The following TAAR1 variants were observed in gnomAD, a reference collection of about 807,000 sequenced individuals.
TAAR1 encodes the protein trace amine-associated receptor 1.
A neutral mutation model predicts 1.2 loss-of-function variants in TAAR1; 1 was observed. That is an observed-to-expected ratio of 0.81 (90% CI 0.29 to 3.86). The LOEUF is 3.86. TAAR1 is among the 30% of genes most tolerant of loss of function. TAAR1 has a pLI of 0.18. For missense variants in TAAR1, 445 were observed against 405.6 expected, an observed-to-expected ratio of 1.10 and a Z score of -0.83; for synonymous variants, 153 against 132.2, an observed-to-expected ratio of 1.16 and a Z score of -1.08.
chr6:132,655,671 T>C (rs1388855469), intron 1 of TAAR1, among the ~76,000 whole-genome samples: 2 of 152,092 alleles, frequency 1.3e-5, no homozygotes, highest in East Asian at 3.9e-4. Flanking sequence ...TCTAACAGTA[T>C]CACTCCGATT....
chr6:132,651,695 C>A (rs759741057), intron 1 of TAAR1, among the ~76,000 whole-genome samples: 1 of 152,158 alleles, frequency 6.6e-6, no homozygotes, highest in Non-Finnish European at 1.5e-5. Flanking sequence ...CAGCTGGTTC[C>A]CCTGCTTCTT....
intron 1 of TAAR1, among the ~76,000 whole-genome samples, chr6:132,653,699 G>T (rs1777772068): frequency 6.6e-6 from 1 of 152,074 alleles, no homozygotes; most frequent in South Asian, 2.1e-4. Flanking sequence ...AAGAAATATG[G>T]ACCTAAAATT....
chr6:132,656,852 G>C (rs560238984), intron 1 of TAAR1, among the ~76,000 whole-genome samples: 1 of 152,260 alleles, frequency 6.6e-6, no homozygotes, highest in East Asian at 1.9e-4. Context: ...GCAGTCAAAA[G>C]GGTGATCATA....
chr6:132,646,807 C>T (rs1253368514), intron 1 of TAAR1, among the ~76,000 whole-genome samples: 1 of 152,130 alleles, frequency 6.6e-6, no homozygotes, highest in Non-Finnish European at 1.5e-5. Context: ...AAGTTTAATT[C>T]ACAAATCATT....
At position 132,644,023 on chromosome 6, in the gene TAAR1, G is replaced by A. The variant is rs1777630586; in HGVS notation, c.*961C>T. On this transcript the variant is annotated 3_prime_UTR_variant, in exon 2 of 2. Coordinates refer to ENST00000275216, the MANE Select transcript of TAAR1 (RefSeq NM_138327.4). ...CCTATCATGCCAGATATGACCTTAA[G>A]ACATGGTAAAATCCTTCTAGACATT... Among the ~76,000 whole-genome samples the A allele has an allele frequency of 6.6e-6, 1 of 151,934 alleles. No homozygotes were observed. The highest frequency in any genetic ancestry group is 1.5e-5 in the Non-Finnish European group (1 of 67,916).
chr6:132,658,044 T>C (rs576465249), intron 1 of TAAR1, among the ~76,000 whole-genome samples: 2 of 152,276 alleles, frequency 1.3e-5, no homozygotes, highest in African/African-American at 4.8e-5. Flanking sequence ...AATTATACTT[T>C]TACTAAATTA....
rs201991583 is a variant in TAAR1 at position 132,658,010 on chromosome 6, TTATC to T, written c.-127+1116_-127+1119del. Among the ~76,000 whole-genome samples, 1,130 of 148,146 alleles carry T rather than the reference TTATC, an allele frequency of 7.6e-3. 15 individuals carry two copies. Among genetic ancestry groups the T allele is most frequent in the African/African-American group, 0.027 (1,055 of 38,480 alleles). ...TTGTATAATTCTTTGCATGATTTAT[TTATC>T]TATTTTACCTTTGTACTAAAATTAT... On this transcript the variant is annotated intron_variant, in intron 1 of 1. Transcript: ENST00000275216.
chr6:132,645,068 T>C lies in TAAR1; in HGVS notation c.936A>G (p.Arg312=), dbSNP rs8192621. 39,129 of 1,609,706 alleles carry C rather than the reference T, an allele frequency of 0.024. 911 individuals carry two copies. The highest frequency in any genetic ancestry group is 0.13 in the East Asian group (5,610 of 44,782). The change falls in exon 2 of 2, where the codon AGA becomes AGG. Residue 312 remains arginine, a synonymous_variant. Transcript: ENST00000275216. ...MVYAFFYPWF[R]KALKMMLFGK... Reference sequence around the variant, plus strand: ...CAAACAGCATCATCTTCAGTGCTTTTCTAAACCAAGGATAGAAAAATGCAT... The same window carrying C: ...CAAACAGCATCATCTTCAGTGCTTTCCTAAACCAAGGATAGAAAAATGCAT...
At chr6:132,648,635 A>G (rs1777714516) in intron 1 of TAAR1, among the ~76,000 whole-genome samples, 1 of 152,232 alleles carries the variant, frequency 6.6e-6, no homozygotes, top group Non-Finnish European at 1.5e-5. Context: ...CTTAAAGAAT[A>G]TTAAACATCA....
At chr6:132,647,632 G>GAAAGAA (rs1777695363) in intron 1 of TAAR1, among the ~76,000 whole-genome samples, 2 of 80,882 alleles carry the variant, frequency 2.5e-5, no homozygotes, top group Admixed American at 1.1e-4. Flanking sequence ...AGGAAAGAAA[G>GAAAGAA]AAAGAAAGAA....
chr6:132,652,984 GC>G (rs1380043672), intron 1 of TAAR1, among the ~76,000 whole-genome samples: 1 of 152,004 alleles, frequency 6.6e-6, no homozygotes, highest in Non-Finnish European at 1.5e-5. Context: ...TGGGTGGAGT[GC>G]GGGGGAGACA....
At chr6:132,656,165 C>T (rs1387335051) in intron 1 of TAAR1, among the ~76,000 whole-genome samples, 1 of 151,838 alleles carries the variant, frequency 6.6e-6, no homozygotes, top group Non-Finnish European at 1.5e-5. Flanking sequence ...TGAAAAACAA[C>T]CAAACAAAAA....
chr6:132,645,422 G>T lies in TAAR1; in HGVS notation c.582C>A (p.Thr194=), dbSNP rs568699098. The change falls in exon 2 of 2, where the codon ACC becomes ACA. Residue 194 remains threonine, a synonymous_variant. Coordinates refer to ENST00000275216, the MANE Select transcript of TAAR1 (RefSeq NM_138327.4). ...VFFSKISGVL[T]FMTSFYIPGS... is the part of the protein sequence containing the mutation. ...CAGGTATATAAAAAGAAGTCATAAAGGTCAGTACCCCAGATATTTTGCTAA... is the reference window on the plus strand; with the variant it reads ...CAGGTATATAAAAAGAAGTCATAAATGTCAGTACCCCAGATATTTTGCTAA... The T allele has an allele frequency of 1.2e-6, 2 of 1,613,512 alleles. No homozygotes were observed. The highest frequency in any genetic ancestry group is 1.7e-6 in the Non-Finnish European group (2 of 1,179,778).
intron 1 of TAAR1, among the ~76,000 whole-genome samples, chr6:132,657,983 A>G (rs1777824869): frequency 6.7e-6 from 1 of 148,454 alleles, no homozygotes; most frequent in African/African-American, 2.6e-5. Context: ...TGTTTCTTTG[A>G]CTTGTATAAT....
At chr6:132,658,465 T>G (rs906507390) in intron 1 of TAAR1, among the ~76,000 whole-genome samples, 7 of 152,174 alleles carry the variant, frequency 4.6e-5, no homozygotes, top group African/African-American at 1.7e-4. Flanking sequence ...CAGATTTAGG[T>G]AATGTAACTA....
rs756496526 is a variant in TAAR1, at chr6:132,645,854, G to C, written c.150C>G (p.His50Gln). 1 of 1,613,826 alleles carries C rather than the reference G, an allele frequency of 6.2e-7. No individual in the cohort carries two copies. The highest frequency in any genetic ancestry group is 1.1e-5 in the South Asian group (1 of 91,074). The stretch of plus-strand genomic sequence containing the variant: ...TTGTTGGGGTATGAAGTTGTTTGAA[G>C]TGTGATATAGAAACAATAACTATCA... ...GNLIVIVSISHFKQLHTPTNW... is the reference protein window; with the variant it reads ...GNLIVIVSISQFKQLHTPTNW... Residue 50 changes from histidine to glutamine, a missense_variant, in exon 2 of 2, where the codon CAC becomes CAG. Coordinates refer to ENST00000275216, the MANE Select transcript of TAAR1 (RefSeq NM_138327.4).
rs538882324 is a variant in TAAR1, at chr6:132,644,516, T to C, written c.*468A>G. 5.3e-5 allele frequency among the ~76,000 whole-genome samples: 8 copies of C among 152,180 alleles called. No individual in the cohort carries two copies. The South Asian group carries it at 1.7e-3, about 32-fold the overall frequency. ...ATATATTAACAATACAAATAAATTATGTGTCAACAATTATTTAGCGGTAAC... is the reference window on the plus strand; with the variant it reads ...ATATATTAACAATACAAATAAATTACGTGTCAACAATTATTTAGCGGTAAC... On this transcript the variant is annotated 3_prime_UTR_variant, in exon 2 of 2. Coordinates refer to ENST00000275216, the MANE Select transcript of TAAR1 (RefSeq NM_138327.4).
At chr6:132,657,180 G>T (rs1280625813) in intron 1 of TAAR1, among the ~76,000 whole-genome samples, 2 of 152,030 alleles carry the variant, frequency 1.3e-5, no homozygotes, top group Non-Finnish European at 2.9e-5. Context: ...GTTATCAGGG[G>T]TGCTGAGGGG....
chr6:132,656,891 T>C (rs1223305863), intron 1 of TAAR1, among the ~76,000 whole-genome samples: 1 of 152,146 alleles, frequency 6.6e-6, no homozygotes, highest in Non-Finnish European at 1.5e-5. Flanking sequence ...AGTAACAATG[T>C]ATTTATGACC....
Sources: allele counts gnomAD v4.1 joint callset (sites outside exome capture counted in the v4.1 genomes callset), GRCh38; gene constraint gnomAD v4.1.1; transcripts MANE v1.5; gene names NCBI Gene and HGNC (gene_info 2026-07-23, HGNC 2026-07-21).